ENPEP: variants seen among roughly 807,000 people sequenced by gnomAD.
ENPEP encodes glutamyl aminopeptidase, also known as AP-A.
Under a neutral mutation model 114.5 loss-of-function variants are expected in ENPEP, and 103 were observed. That is an observed-to-expected ratio of 0.90 (90% CI 0.77 to 1.06). The LOEUF is 1.06. Ranked by LOEUF, ENPEP falls within the 50% of genes least tolerant of loss-of-function variation. The pLI is 0.00. For missense variants in ENPEP, 1,196 were observed against 1,161.3 expected, an observed-to-expected ratio of 1.03 and a Z score of -0.43; for synonymous variants, 420 against 422.0, an observed-to-expected ratio of 1.00 and a Z score of 0.06.
chr4:110,522,157 C>T (rs1032162232), intron 10 of ENPEP, among the ~76,000 whole-genome samples: 1 of 151,776 alleles, frequency 6.6e-6, no homozygotes, highest in Non-Finnish European at 1.5e-5. Flanking sequence ...GGATTACAGG[C>T]GTGAGCCACT....
intron 4 of ENPEP, among the ~76,000 whole-genome samples, chr4:110,508,703 C>T (rs1006530980): frequency 4.6e-5 from 7 of 151,956 alleles, no homozygotes; most frequent in African/African-American, 1.5e-4. Flanking sequence ...CCCAGCTACT[C>T]AGGAGGCCGA....
intron 5 of ENPEP, 152 bp downstream of exon 5, chr4:110,509,959 C>A: frequency 8.6e-7 from 1 of 1,156,734 alleles, no homozygotes; most frequent in Non-Finnish European, 1.2e-6. Context: ...AACATTTAGC[C>A]ATAAAGAGAC....
chr4:110,509,538 A>G, intron 4 of ENPEP, 115 bp from the exon 5 acceptor site: 2 of 1,357,026 alleles, frequency 1.5e-6, no homozygotes, highest in Non-Finnish European at 2.0e-6. Context: ...CTTTACTCTA[A>G]GAAATTATTT....
rs578009384 is a variant in ENPEP, at chr4:110,500,604, G to A, written c.919-6033G>A. ...AGACATACGAACTTTATATTTAAACGTTAATAGGGTTCTTACATTTAAAAA... is the reference window on the plus strand; with the variant it reads ...AGACATACGAACTTTATATTTAAACATTAATAGGGTTCTTACATTTAAAAA... On this transcript the variant is annotated intron_variant, in intron 3 of 19. Coordinates refer to ENST00000265162, the MANE Select transcript of ENPEP (RefSeq NM_001977.4). 1.1e-4 allele frequency among the ~76,000 whole-genome samples: 17 copies of A among 152,160 alleles called. No individual in the cohort carries two copies. The East Asian group carries it at 2.3e-3, about 21-fold the overall frequency.
chr4:110,541,745 A>G (rs888054690), intron 11 of ENPEP, among the ~76,000 whole-genome samples: 10 of 152,118 alleles, frequency 6.6e-5, no homozygotes, highest in African/African-American at 2.2e-4. Flanking sequence ...CTATTTTTCA[A>G]TATCACAACC....
chr4:110,546,310 T>TC lies in ENPEP; in HGVS notation c.2001-1860dup, dbSNP rs1189908145. Among the ~76,000 whole-genome samples the TC allele has an allele frequency of 2.0e-5, 3 of 151,766 alleles. No individual in the cohort carries two copies. In the East Asian group the frequency reaches 5.9e-4, roughly 30 times the overall value. On this transcript the variant is annotated intron_variant, in intron 13 of 19. Coordinates refer to ENST00000265162, the MANE Select transcript of ENPEP (RefSeq NM_001977.4). ...CCAAAACAGACACAGAAATAATTCT[T>TC]CCCCCCACCCCGCCCCCTGCTTGCT...
chr4:110,519,835 T>C (rs1297424235), intron 8 of ENPEP, among the ~76,000 whole-genome samples, 173 bp from the exon 9 acceptor site: 1 of 152,190 alleles, frequency 6.6e-6, no homozygotes, highest in African/African-American at 2.4e-5. Context: ...TACATGAACA[T>C]TGTATGGAAT....
chr4:110,552,804 A>G (rs966174599), intron 17 of ENPEP, among the ~76,000 whole-genome samples: 1 of 152,114 alleles, frequency 6.6e-6, no homozygotes, highest in African/African-American at 2.4e-5. Context: ...TTGCCAACTA[A>G]TATAACCATA....
At chr4:110,545,655 C>T (rs1727026736) in intron 13 of ENPEP, among the ~76,000 whole-genome samples, 1 of 151,966 alleles carries the variant, frequency 6.6e-6, no homozygotes, top group South Asian at 2.1e-4. Flanking sequence ...TTTTGGTCCT[C>T]TCTGAACTTT....
chr4:110,537,538 A>G (rs1726683517), intron 11 of ENPEP, among the ~76,000 whole-genome samples: 1 of 152,190 alleles, frequency 6.6e-6, no homozygotes, highest in Admixed American at 6.5e-5. Flanking sequence ...CTCTGCAGTT[A>G]CATCCTCCAT....
rs1222325241 is a variant in ENPEP, at chr4:110,531,290, AATTGATTT to A, written c.1807+17_1807+24del. The A allele has an allele frequency of 7.2e-7, 1 of 1,397,204 alleles. No individual in the cohort carries two copies. The highest frequency in any genetic ancestry group is 9.6e-7 in the Non-Finnish European group (1 of 1,046,062). The allele number at this position is 1,397,204 out of a possible 1,614,324, so 86.6% of individuals were successfully genotyped here. ...TCAGAAAAAGAAGGTAAATATTATT[AATTGATTT>A]ATTTCTTCTTTGAATTGATGTACCA... On this transcript the variant is annotated intron_variant, in intron 11 of 19. Transcript: ENST00000265162.
intron 4 of ENPEP, among the ~76,000 whole-genome samples, chr4:110,507,958 CCTCAT>C (rs1457450423): frequency 1.3e-5 from 2 of 152,034 alleles, no homozygotes; most frequent in African/African-American, 2.4e-5. Context: ...TGACAGAAGA[CCTCAT>C]CTCAATTTAA....
chr4:110,501,961 T>A (rs1308550573), intron 3 of ENPEP, among the ~76,000 whole-genome samples: 2 of 152,226 alleles, frequency 1.3e-5, no homozygotes, highest in Non-Finnish European at 2.9e-5. Flanking sequence ...TTTTTTGACC[T>A]TTTAATAATA....
chr4:110,531,950 A>G (rs1017493721), intron 11 of ENPEP, among the ~76,000 whole-genome samples: 4 of 152,180 alleles, frequency 2.6e-5, no homozygotes, highest in African/African-American at 9.6e-5. Context: ...GATTTAGAAT[A>G]GTATTTGGTA....
At chr4:110,485,110 G>T (rs898295107) in intron 1 of ENPEP, among the ~76,000 whole-genome samples, 2 of 152,148 alleles carry the variant, frequency 1.3e-5, no homozygotes, top group African/African-American at 2.4e-5. Context: ...GAGCTTGGTG[G>T]ATCTTATAAA....
intron 17 of ENPEP, among the ~76,000 whole-genome samples, chr4:110,550,405 T>C (rs1294401498): frequency 2.0e-5 from 3 of 152,042 alleles, no homozygotes; most frequent in Admixed American, 2.0e-4. Flanking sequence ...GAACTTGAAT[T>C]CCTTTGGCTG....
intron 10 of ENPEP, among the ~76,000 whole-genome samples, chr4:110,526,985 G>T (rs548209346): frequency 2.6e-5 from 4 of 152,116 alleles, no homozygotes; most frequent in Non-Finnish European, 5.9e-5. Flanking sequence ...CACAGTGATC[G>T]TAGCCATATT....
intron 7 of ENPEP, among the ~76,000 whole-genome samples, chr4:110,514,818 A>T (rs578199415): frequency 6.6e-6 from 1 of 152,286 alleles, no homozygotes; most frequent in East Asian, 1.9e-4. Context: ...CAAGATGTTC[A>T]TCAGATTCTT....
intron 10 of ENPEP, among the ~76,000 whole-genome samples, chr4:110,523,786 C>T (rs1019626180): frequency 1.3e-5 from 2 of 152,170 alleles, no homozygotes; most frequent in Non-Finnish European, 2.9e-5. Flanking sequence ...TGGGATACTA[C>T]TTCAGTGGTG....
Sources: gnomAD v4.1 joint callset for allele counts (sites outside exome capture counted in the v4.1 genomes callset) on GRCh38, gnomAD v4.1.1 for gene constraint, MANE v1.5 for transcripts, NCBI Gene and HGNC (gene_info 2026-07-23, HGNC 2026-07-21) for gene names.